The following VAV2 variants were observed in gnomAD, a reference collection of about 807,000 sequenced individuals.
VAV2 encodes guanine nucleotide exchange factor VAV2.
A neutral mutation model predicts 132.5 loss-of-function variants in VAV2; 67 were observed. That is an observed-to-expected ratio of 0.51 (90% CI 0.42 to 0.62). The LOEUF (loss-of-function observed/expected upper bound fraction) is 0.62. Ranked by LOEUF, VAV2 falls within the 20% of genes least tolerant of loss-of-function variation. The pLI is 0.00. For synonymous variants in VAV2, 492 were observed against 443.5 expected (o/e 1.11, Z -1.37); for missense variants, 938 against 1,153.6 (o/e 0.81, Z 2.71).
At chr9:133,941,057 T>G (rs1053423806) in intron 1 of VAV2, among the ~76,000 whole-genome samples, 2 of 152,010 alleles carry the variant, frequency 1.3e-5, no homozygotes, top group Admixed American at 1.3e-4. Flanking sequence ...GAACGTTCTA[T>G]CCATCTACCG....
intron 2 of VAV2, among the ~76,000 whole-genome samples, chr9:133,910,117 G>C (rs1839825728): frequency 6.6e-6 from 1 of 152,180 alleles, no homozygotes; most frequent in Non-Finnish European, 1.5e-5. Context: ...CCCCACCCCA[G>C]CCCTCTCTAT....
At chr9:133,773,989 T>C (rs7036113) in intron 25 of VAV2, among the ~76,000 whole-genome samples, 20,984 of 152,132 alleles carry the variant, frequency 0.14, 3,249 homozygotes, top group African/African-American at 0.38. Flanking sequence ...TCCATTATAA[T>C]CTTACGGGAC....
At position 133,769,621 on chromosome 9, in the gene VAV2, C is replaced by T. The variant is rs1833550156; in HGVS notation, c.2348-118G>A. 1 of 1,098,282 alleles carries T rather than the reference C, an allele frequency of 9.1e-7. No individual in the cohort carries two copies. Among genetic ancestry groups the T allele is most frequent in the Admixed American group, 2.5e-5 (1 of 40,736 alleles). 68.0% of individuals were successfully genotyped at this position (1,098,282 alleles called of 1,614,324 possible). A position where few individuals can be genotyped will look rare whatever the true frequency, so the allele number is the denominator to read the frequency against. On this transcript the variant is annotated intron_variant, in intron 27 of 29. Coordinates refer to ENST00000371850, the MANE Select transcript of VAV2 (RefSeq NM_001134398.2). The surrounding 1 kb of genome is among the most constrained non-coding windows in gnomAD (Gnocchi z 8.1). Reference sequence around the variant, plus strand: ...GGGCAGGCCCTTTGGCAGGAGAGGCCCTACAGGGGGGCAAAGGAGGCAGGG... The same window carrying T: ...GGGCAGGCCCTTTGGCAGGAGAGGCTCTACAGGGGGGCAAAGGAGGCAGGG...
At chr9:133,973,837 C>T (rs1267097990) in intron 1 of VAV2, among the ~76,000 whole-genome samples, 1 of 152,170 alleles carries the variant, frequency 6.6e-6, no homozygotes, top group Non-Finnish European at 1.5e-5. Context: ...CAGGGCCCCC[C>T]CAGGCCTTGG....
intron 17 of VAV2, 148 bp downstream of exon 17, chr9:133,785,628 T>G (rs1588171010): frequency 1.6e-6 from 1 of 640,764 alleles, no homozygotes. Context: ...GTCCCAGGGG[T>G]GATGGAGGTT....
chr9:133,838,070 G>A (rs1836541703), intron 3 of VAV2, among the ~76,000 whole-genome samples: 1 of 152,150 alleles, frequency 6.6e-6, no homozygotes, highest in Non-Finnish European at 1.5e-5. Flanking sequence ...CTGGCCGCTG[G>A]CGCAGGAATA....
intron 3 of VAV2, among the ~76,000 whole-genome samples, chr9:133,842,827 G>A (rs1241861102): frequency 1.3e-5 from 2 of 152,194 alleles, no homozygotes; most frequent in Non-Finnish European, 2.9e-5. Context: ...CATGGGAGCC[G>A]GGCCCTAGCC....
At chr9:133,963,449 A>G (rs557225002) in intron 1 of VAV2, among the ~76,000 whole-genome samples, 1 of 152,172 alleles carries the variant, frequency 6.6e-6, no homozygotes, top group South Asian at 2.1e-4. Context: ...GTGTGTCAAC[A>G]GAGAGCCTGC....
chr9:133,927,707 C>T (rs1226344224), intron 2 of VAV2: 3 of 152,422 alleles, frequency 2.0e-5, no homozygotes, highest in Non-Finnish European at 4.4e-5. Flanking sequence ...CCTCAGCCTT[C>T]TATAAAAAGC....
At chr9:133,963,231 A>G (rs906522198) in intron 1 of VAV2, among the ~76,000 whole-genome samples, 3 of 152,192 alleles carry the variant, frequency 2.0e-5, no homozygotes, top group African/African-American at 7.2e-5. Flanking sequence ...TCTAGTAAGT[A>G]TCAATTAATG....
At chr9:133,843,638 T>A (rs1836812973) in intron 3 of VAV2, among the ~76,000 whole-genome samples, 1 of 152,120 alleles carries the variant, frequency 6.6e-6, no homozygotes, top group Non-Finnish European at 1.5e-5. Flanking sequence ...GCCACCTGCC[T>A]CAGATGTGGT....
At chr9:133,849,502 C>T (rs1000069202) in intron 3 of VAV2, among the ~76,000 whole-genome samples, 10 of 152,240 alleles carry the variant, frequency 6.6e-5, no homozygotes, top group Non-Finnish European at 1.2e-4. Flanking sequence ...CCCTGCGTCC[C>T]AGAGCTGGCT....
chr9:133,941,969 G>A (rs547050346), intron 1 of VAV2, among the ~76,000 whole-genome samples: 83 of 152,234 alleles, frequency 5.5e-4, no homozygotes, highest in South Asian at 1.7e-3. Context: ...AATAGTGGGC[G>A]CCCTCGAAGG....
chr9:133,785,958 C>T (rs761815637), intron 16 of VAV2, 73 bp from the exon 17 acceptor site: 1 of 1,349,162 alleles, frequency 7.4e-7, no homozygotes, highest in African/African-American at 1.4e-5. Flanking sequence ...CACGTGTACT[C>T]TCGCCTGTGC....
intron 5 of VAV2, 60 bp downstream of exon 5, chr9:133,812,054 G>A: frequency 6.4e-7 from 1 of 1,552,064 alleles, no homozygotes; most frequent in South Asian, 1.1e-5. Context: ...GTTAAGCAAG[G>A]GCCAGGCTGC....
Position 133,963,594 on chromosome 9 carries a change from A to C in VAV2, c.205-24375T>G, listed in dbSNP as rs531575019. On this transcript the variant is annotated intron_variant, in intron 1 of 29. Transcript: ENST00000371850. ...GCAGGGCTGTGGGCATCCAATCAAA[A>C]GGGCTTGGTCTGGTCAACTCCAGAA... Among the ~76,000 whole-genome samples, 15 of 152,344 alleles carry C rather than the reference A, an allele frequency of 9.8e-5. No individual in the cohort carries two copies. In the South Asian group the frequency reaches 2.9e-3, roughly 29 times the overall value.
chr9:133,986,187 A>G (rs1208636394), intron 1 of VAV2, among the ~76,000 whole-genome samples: 1 of 152,212 alleles, frequency 6.6e-6, no homozygotes, highest in East Asian at 1.9e-4. Context: ...ACAGAACATC[A>G]CCAGCAATGG....
At position 133,778,798 on chromosome 9, in the gene VAV2, C is replaced by T. The variant is rs199553487; in HGVS notation, c.1854G>A (p.Glu618=). ...GAGACTCAGGGTCGCCCCTCAGCAG[C>T]TCAAGCACGTCGCCCGTCTGGAAGG... ...VLTFQTGDVL[E]LLRGDPESPW... Residue 618 remains glutamate, a synonymous_variant, in exon 22 of 30, where the codon GAG becomes GAA. Coordinates refer to ENST00000371850, the MANE Select transcript of VAV2 (RefSeq NM_001134398.2). 91 of 1,613,062 alleles carry T rather than the reference C, an allele frequency of 5.6e-5. 1 individual carries two copies. In the East Asian group the frequency reaches 1.4e-3, roughly 26 times the overall value.
At chr9:133,949,263 C>T (rs558520275) in intron 1 of VAV2, among the ~76,000 whole-genome samples, 4 of 152,328 alleles carry the variant, frequency 2.6e-5, no homozygotes, top group African/African-American at 9.6e-5. Context: ...TCTCTGCACA[C>T]TTCCCCTCCT....
Sources: allele counts gnomAD v4.1 joint callset (sites outside exome capture counted in the v4.1 genomes callset), GRCh38; gene constraint gnomAD v4.1.1; non-coding constraint Gnocchi (gnomAD v3.1); transcripts MANE v1.5; gene names NCBI Gene and HGNC (gene_info 2026-07-23, HGNC 2026-07-21).